Variants in IKBKE observed in about 807,000 individuals in gnomAD.
IKBKE encodes the protein inhibitor of nuclear factor kappa-B kinase subunit epsilon.
IKBKE carries 45 observed loss-of-function variants against 92.1 expected under a neutral mutation model. The ratio of observed to expected loss-of-function variants is 0.49; its 90% CI spans 0.38 to 0.63. The LOEUF (loss-of-function observed/expected upper bound fraction) is 0.63, where lower values mean the gene tolerates loss of function less well. IKBKE is among the 20% of genes least tolerant of loss of function. IKBKE has a pLI of 0.00. For missense variants in IKBKE, 700 were observed against 932.8 expected (o/e 0.75, Z 3.25); for synonymous variants, 374 against 380.3 (o/e 0.98, Z 0.19).
Position 206,476,434 on chromosome 1 carries a change from C to A in IKBKE, c.540+72C>A. The A allele has an allele frequency of 6.7e-7, 1 of 1,493,576 alleles. No individual in the cohort carries two copies. 92.5% of individuals were successfully genotyped at this position (1,493,576 alleles called of 1,614,324 possible). A position where few individuals can be genotyped will look rare whatever the true frequency, so the allele number is the denominator to read the frequency against. On this transcript the variant is annotated intron_variant, in intron 6 of 21. Coordinates refer to ENST00000581977, the MANE Select transcript of IKBKE (RefSeq NM_014002.4). This position sits in a 1 kb window ranked among gnomAD's most constrained non-coding sequence, Gnocchi z 5.1. ...TTGCCTTGTGAGCCCCCCAGAGCCC[C>A]CATGAGGGGGTGTGGCCCACCTCCT...
Position 206,471,836 on chromosome 1 carries a change from A to G in IKBKE, c.-33+591A>G, listed in dbSNP as rs1218516811. 2.0e-5 allele frequency among the ~76,000 whole-genome samples: 3 copies of G among 152,250 alleles called. No individual in the cohort carries two copies. In the East Asian group the frequency reaches 5.8e-4, roughly 29 times the overall value. ...GATTTGCATTTTTAAAAAAGATTAC[A>G]CAGAGAAAAAGTTCAGAGCGAAGGA... On this transcript the variant is annotated intron_variant, in intron 2 of 21. Coordinates refer to ENST00000581977, the MANE Select transcript of IKBKE (RefSeq NM_014002.4).
intron 18 of IKBKE, 120 bp from the exon 19 acceptor site, chr1:206,492,903 G>A (rs782700399): frequency 2.4e-5 from 20 of 826,780 alleles, no homozygotes; most frequent in East Asian, 1.1e-4. Flanking sequence ...CAGAGGCAGC[G>A]AGGGAGGCAA....
Position 206,490,756 on chromosome 1 carries a change from T to C in IKBKE, c.1694-63T>C. The C allele has an allele frequency of 6.5e-7, 1 of 1,538,814 alleles. No individual in the cohort carries two copies. Among genetic ancestry groups the C allele is most frequent in the South Asian group, 1.1e-5 (1 of 89,586 alleles). ...TCATCTTTTAACTGTCTCTCGACCTTTGCTGCACACTGTTTCGTTGACTGA... is the reference window on the plus strand; with the variant it reads ...TCATCTTTTAACTGTCTCTCGACCTCTGCTGCACACTGTTTCGTTGACTGA... On this transcript the variant is annotated intron_variant, in intron 16 of 21. Coordinates refer to ENST00000581977, the MANE Select transcript of IKBKE (RefSeq NM_014002.4). This position sits in a 1 kb window ranked among gnomAD's most constrained non-coding sequence, Gnocchi z 5.2.
At chr1:206,489,430 C>T (rs1665838311) in intron 16 of IKBKE, among the ~76,000 whole-genome samples, 8 of 146,264 alleles carry the variant, frequency 5.5e-5, no homozygotes, top group Admixed American at 4.8e-4. Flanking sequence ...GAGCTGTGTG[C>T]AGTGGCTCAT....
intron 17 of IKBKE, chr1:206,491,137 C>T: frequency 1.9e-6 from 1 of 522,790 alleles, no homozygotes; most frequent in South Asian, 2.3e-5. Flanking sequence ...CTCACTGATG[C>T]ACCACTTACC....
chr1:206,476,903 T>C lies in IKBKE; in HGVS notation c.701+65T>C. On this transcript the variant is annotated intron_variant, in intron 7 of 21. Transcript: ENST00000581977. This position sits in a 1 kb window ranked among gnomAD's most constrained non-coding sequence, Gnocchi z 5.1. ...AGTCCCCTGGCCCTTCCCCCACCGGTCCTTGCTGTGTCTTCTGGTCCCCTC... is the reference window on the plus strand; with the variant it reads ...AGTCCCCTGGCCCTTCCCCCACCGGCCCTTGCTGTGTCTTCTGGTCCCCTC... 1.9e-6 allele frequency: 3 copies of C among 1,575,870 alleles called. No homozygotes were observed. Among genetic ancestry groups the C allele is most frequent in the South Asian group, 2.2e-5 (2 of 89,272 alleles).
At chr1:206,483,425 A>G (rs895246262) in intron 13 of IKBKE, among the ~76,000 whole-genome samples, 1 of 152,192 alleles carries the variant, frequency 6.6e-6, no homozygotes, top group Non-Finnish European at 1.5e-5. Flanking sequence ...CGCCTTCAGC[A>G]TCCGTGCACT....
Position 206,476,764 on chromosome 1 carries a change from G to A in IKBKE, c.627G>A (p.Val209=), listed in dbSNP as rs2103455998. 1 of 1,614,228 alleles carries A rather than the reference G, an allele frequency of 6.2e-7. No individual in the cohort carries two copies. Among genetic ancestry groups the A allele is most frequent in the Non-Finnish European group, 8.5e-7 (1 of 1,180,030 alleles). ...GVTVDLWSIG[V]TLYHAATGSL... ...CTGTGGATCTCTGGAGCATTGGAGT[G>A]ACCTTGTACCATGCAGCCACTGGCA... is the stretch of plus-strand genomic sequence containing the variant. The change falls in exon 7 of 22, where the codon GTG becomes GTA. Residue 209 remains valine (V), a synonymous_variant. Transcript: ENST00000581977. The surrounding 1 kb of genome is among the most constrained non-coding windows in gnomAD (Gnocchi z 5.1).
chr1:206,491,704 T>C lies in IKBKE; in HGVS notation c.1790T>C (p.Val597Ala), dbSNP rs782181622. Residue 597 changes from valine to alanine, a missense_variant, in exon 18 of 22, where the codon GTG becomes GCG. Coordinates refer to ENST00000581977, the MANE Select transcript of IKBKE (RefSeq NM_014002.4). ...RLLQVFQEECVQKYQASLVTH... is the reference protein window; with the variant it reads ...RLLQVFQEECAQKYQASLVTH... ...CTGCAGGTGTTCCAGGAGGAGTGCG[T>C]GCAGAAGTATCAAGCGTCCTTAGTC... The C allele has an allele frequency of 2.5e-6, 4 of 1,613,690 alleles. No individual in the cohort carries two copies. The Admixed American group carries it at 6.7e-5, about 27-fold the overall frequency.
chr1:206,488,693 C>T (rs570898443), intron 16 of IKBKE, among the ~76,000 whole-genome samples: 9 of 152,252 alleles, frequency 5.9e-5, no homozygotes, highest in African/African-American at 1.9e-4. Flanking sequence ...TCCCAGGCCC[C>T]AAGCATTTCC....
At chr1:206,491,541 G>A in intron 17 of IKBKE, 107 bp from the exon 18 acceptor site, 1 of 754,260 alleles carries the variant, frequency 1.3e-6, no homozygotes. Context: ...CAGGGCTTGG[G>A]CACTTACGAC....
chr1:206,492,022 C>T (rs1665972058), intron 18 of IKBKE: 1 of 370,284 alleles, frequency 2.7e-6, no homozygotes, highest in East Asian at 6.1e-5. Flanking sequence ...GAACAGGTCT[C>T]CTCTGCACAT....
Position 206,493,319 on chromosome 1 carries a change from G to C in IKBKE, c.1986G>C (p.Gln662His). Residue 662 changes from glutamine (Q) to histidine (H), a missense_variant, in exon 20 of 22, where the codon CAG becomes CAC. Physicochemically the swap from Gln to His is conservative, Grantham distance 24. Transcript: ENST00000581977. ...QLLQDRAKGA[Q>H]ASPPPIAPYP... ...TTCAGGACCGAGCAAAGGGGGCTCA[G>C]GCCTCGCCGCCTCCCATAGCTCCTT... 8 of 1,614,098 alleles carry C rather than the reference G, an allele frequency of 5.0e-6. No individual in the cohort carries two copies. Among genetic ancestry groups the C allele is most frequent in the Non-Finnish European group, 6.8e-6 (8 of 1,180,028 alleles).
chr1:206,474,785 C>G (rs782071259), intron 4 of IKBKE, 80 bp from the exon 5 acceptor site: 3 of 1,542,024 alleles, frequency 1.9e-6, no homozygotes, highest in South Asian at 1.2e-5. Flanking sequence ...GGGCTCTGGG[C>G]TCCAGGCTGA....
At chr1:206,495,223 C>T (rs1261244836) in intron 21 of IKBKE, among the ~76,000 whole-genome samples, 4 of 152,198 alleles carry the variant, frequency 2.6e-5, no homozygotes, top group Non-Finnish European at 2.9e-5. Flanking sequence ...GCAGAGGTTC[C>T]TACAGGATTT....
At chr1:206,489,967 GCT>G (rs1558483434) in intron 16 of IKBKE, among the ~76,000 whole-genome samples, 1 of 152,110 alleles carries the variant, frequency 6.6e-6, no homozygotes. Flanking sequence ...TGGTCTTCAG[GCT>G]CTCTCGCATG....
Position 206,496,212 on chromosome 1 carries a change from G to A in IKBKE, c.*67G>A. On this transcript the variant is annotated 3_prime_UTR_variant, in exon 22 of 22. Coordinates refer to ENST00000581977, the MANE Select transcript of IKBKE (RefSeq NM_014002.4). ...TTCCAACACTGCTCTTCTGCACCAT[G>A]AGACCAACCCAGGGCAAGATCCCAT... 1 of 1,338,114 alleles carries A rather than the reference G, an allele frequency of 7.5e-7. No individual in the cohort carries two copies. Among genetic ancestry groups the A allele is most frequent in the Non-Finnish European group, 1.1e-6 (1 of 927,734 alleles). 82.9% of individuals were successfully genotyped at this position (1,338,114 alleles called of 1,614,324 possible).
chr1:206,473,048 CT>C, intron 2 of IKBKE, 147 bp from the exon 3 acceptor site: 1 of 645,822 alleles, frequency 1.5e-6, no homozygotes, highest in East Asian at 2.9e-5. Flanking sequence ...CCTTTCTGTG[CT>C]TCACACTTCC....
rs1572233495 is a variant in IKBKE, at chr1:206,473,125, C to A, written c.-32-71C>A. 5 of 850,298 alleles carry A rather than the reference C, an allele frequency of 5.9e-6. No homozygotes were observed. The East Asian group carries it at 1.3e-4, about 23-fold the overall frequency. The allele number at this position is 850,298 out of a possible 1,614,324, so 52.7% of individuals were successfully genotyped here. The stretch of plus-strand genomic sequence containing the variant: ...TTAGGGTAGCCTTGGGGCACAGTTA[C>A]AGGTCAGGCCACCAGCGGCCACCCT... On this transcript the variant is annotated intron_variant, in intron 2 of 21. Coordinates refer to ENST00000581977, the MANE Select transcript of IKBKE (RefSeq NM_014002.4).
Sources: allele counts gnomAD v4.1 joint callset (sites outside exome capture counted in the v4.1 genomes callset), GRCh38; gene constraint gnomAD v4.1.1; non-coding constraint Gnocchi (gnomAD v3.1); transcripts MANE v1.5; gene names NCBI Gene and HGNC (gene_info 2026-07-23, HGNC 2026-07-21).